The following KDM5C variants were observed in gnomAD, a reference collection of about 807,000 sequenced individuals.
KDM5C encodes lysine-specific demethylase 5C.
KDM5C carries 16 observed loss-of-function variants against 110.6 expected under a neutral mutation model. The ratio of observed to expected loss-of-function variants is 0.14; its 90% CI spans 0.10 to 0.22. The LOEUF (loss-of-function observed/expected upper bound fraction) is 0.22, where lower values mean the gene tolerates loss of function less well. Among genes scored for constraint, KDM5C ranks in the 10% least tolerant of loss-of-function variants. KDM5C has a pLI of 1.00. For synonymous variants in KDM5C, 511 were observed against 520.4 expected (o/e 0.98, Z 0.24); for missense variants, 681 against 1,300.9 (o/e 0.52, Z 7.33).
In KDM5C at chrX:53,211,739, A is replaced by G. The variant is rs6654692; in HGVS notation, c.1242+48T>C. 7.8e-4 allele frequency: 947 copies of G among 1,208,512 alleles called. 7 individuals carry two copies. In the African/African-American group the frequency reaches 0.015, roughly 19 times the overall value. On this transcript the variant is annotated intron_variant, in intron 9 of 25. Transcript: ENST00000375401. ...AGGTGAGCTGAGACCATCTGGCATC[A>G]ATACCTATGATCCTAGCCCAACACT...
chrX:53,217,384 C>G (rs2073775266), intron 4 of KDM5C, 107 bp from the exon 5 acceptor site: 1 of 937,973 alleles, frequency 1.1e-6, no homozygotes, highest in South Asian at 2.1e-5. Flanking sequence ...GTCCACTCAC[C>G]TGACCCACAC....
downstream of KDM5C, among the ~76,000 whole-genome samples, chrX:53,190,677 TCTC>T (rs1333236541): frequency 9.0e-6 from 1 of 111,441 alleles, no homozygotes; most frequent in Non-Finnish European, 1.9e-5. Flanking sequence ...CTCCTCTCTC[TCTC>T]CTTACTTGTA....
chrX:53,208,803 CTCTTTTTTTTTTTTT>C (rs2073458294), intron 12 of KDM5C, among the ~76,000 whole-genome samples: 1 of 47,054 alleles, frequency 2.1e-5, no homozygotes, highest in Non-Finnish European at 4.0e-5. Context: ...CCACACCCGG[CTCTTTTTTTTTTTTT>C]TTTTTTTTTT....
chrX:53,220,101 T>A (rs2073855121), intron 2 of KDM5C, among the ~76,000 whole-genome samples: 1 of 111,761 alleles, frequency 8.9e-6, no homozygotes, highest in Admixed American at 9.5e-5. Context: ...CCCTTGGACA[T>A]CTATTAAGAT....
At chrX:53,201,289 T>A (rs1312834898) in intron 14 of KDM5C, 8 of 393,305 alleles carry the variant, frequency 2.0e-5, no homozygotes, top group Non-Finnish European at 3.6e-5. Context: ...TAAGCAAACA[T>A]TATCTTTAAT....
At chrX:53,196,657 C>CAGGGA in intron 19 of KDM5C, 29 bp downstream of exon 19, 1 of 1,151,922 alleles carries the variant, frequency 8.7e-7, no homozygotes, top group Non-Finnish European at 1.2e-6. Flanking sequence ...TGGAATAGGG[C>CAGGGA]AGGGAAGGGA....
intron 12 of KDM5C, among the ~76,000 whole-genome samples, chrX:53,207,640 G>A (rs2146897219): frequency 8.9e-6 from 1 of 112,124 alleles, no homozygotes; most frequent in East Asian, 2.8e-4. Flanking sequence ...CTGGAAAGAG[G>A]ACATGTTTAT....
chrX:53,190,362 G>A (rs1277067845), downstream of KDM5C, among the ~76,000 whole-genome samples: 1 of 112,609 alleles, frequency 8.9e-6, no homozygotes, highest in African/African-American at 3.2e-5. Flanking sequence ...GAAAACTGGT[G>A]AAGGATGGGC....
At position 53,196,069 on chromosome X, in the gene KDM5C, A is replaced by G. The variant is rs1556836566; in HGVS notation, c.2982-15T>C. ...GATGCTTCTGCCTAAAGGTAAGGAAAAAAAGAACGCTCAGTCTGATGTGGT... is the reference window on the plus strand; with the variant it reads ...GATGCTTCTGCCTAAAGGTAAGGAAGAAAAGAACGCTCAGTCTGATGTGGT... On this transcript the variant is annotated splice_polypyrimidine_tract_variant and intron_variant, in intron 19 of 25. Coordinates refer to ENST00000375401, the MANE Select transcript of KDM5C (RefSeq NM_004187.5). 1 of 1,211,107 alleles carries G rather than the reference A, an allele frequency of 8.3e-7. No individual in the cohort carries two copies. Among genetic ancestry groups the G allele is most frequent in the Non-Finnish European group, 1.1e-6 (1 of 894,808 alleles).
At chrX:53,190,293 G>A (rs1556829608), downstream of KDM5C, among the ~76,000 whole-genome samples, 1 of 112,786 alleles carries the variant, frequency 8.9e-6, no homozygotes, top group Admixed American at 9.3e-5. Context: ...ATGCATGTCT[G>A]CTGTGAAGGA....
chrX:53,211,183 C>T (rs782525422), intron 10 of KDM5C, among the ~76,000 whole-genome samples: 2 of 111,880 alleles, frequency 1.8e-5, no homozygotes, highest in Admixed American at 9.5e-5. Flanking sequence ...TGCATACAAA[C>T]CCCACTCCCT....
At position 53,224,854 on chromosome X, in the gene KDM5C, C is replaced by T. The variant is rs2146978721; in HGVS notation, c.36G>A (p.Pro12=). Residue 12 remains proline (P), a synonymous_variant, in exon 1 of 26, where the codon CCG becomes CCA. Coordinates refer to ENST00000375401, the MANE Select transcript of KDM5C (RefSeq NM_004187.5). ...AGCTAGGCTCGAACACCGGGCACTC[C>T]GGTGGCGGTAGGAAATCGTCGGACC... The part of the protein sequence containing the change: ...EPGSDDFLPP[P]ECPVFEPSWA... 1 of 1,209,855 alleles carries T rather than the reference C, an allele frequency of 8.3e-7. No homozygotes were observed. The highest frequency in any genetic ancestry group is 1.1e-6 in the Non-Finnish European group (1 of 894,128).
intron 19 of KDM5C, 44 bp from the exon 20 acceptor site, chrX:53,196,098 C>A (rs1311513519): frequency 2.5e-6 from 3 of 1,197,563 alleles, no homozygotes; most frequent in Non-Finnish European, 3.4e-6. Context: ...ATGTGGTCTG[C>A]CTGACCAGAA....
At chrX:53,189,066 G>A (rs1466061280), downstream of KDM5C, among the ~76,000 whole-genome samples, 5 of 112,491 alleles carry the variant, frequency 4.4e-5, no homozygotes, top group Non-Finnish European at 9.4e-5. Flanking sequence ...CAGGGACTGT[G>A]AGATAAAATG....
intron 2 of KDM5C, among the ~76,000 whole-genome samples, chrX:53,219,220 G>A (rs963658848): frequency 8.9e-6 from 1 of 112,447 alleles, no homozygotes; most frequent in Non-Finnish European, 1.9e-5. Context: ...ACTTACCCCA[G>A]AGGGGTAGAC....
intron 12 of KDM5C, among the ~76,000 whole-genome samples, chrX:53,203,553 T>C (rs910128118): frequency 8.9e-6 from 1 of 111,996 alleles, no homozygotes; most frequent in Non-Finnish European, 1.9e-5. Context: ...TCCTCAACTA[T>C]TCATCTTTCA....
rs1934819260 is a variant in KDM5C, at chrX:53,196,012, T to C, written c.3024A>G (p.Glu1008=). ...GCAGGTGAACAGGGATGTTTTCCGCTTCACGGATTATGGCCTCAAGTGTGG... is the reference window on the plus strand; with the variant it reads ...GCAGGTGAACAGGGATGTTTTCCGCCTCACGGATTATGGCCTCAAGTGTGG... The part of the protein sequence containing the change: ...PPATLEAIIR[E]AENIPVHLPN... The change falls in exon 20 of 26, where the codon GAA becomes GAG. Residue 1008 remains glutamate, a synonymous_variant. Transcript: ENST00000375401. 8.3e-7 allele frequency: 1 copy of C among 1,212,092 alleles called. No homozygotes were observed. The highest frequency in any genetic ancestry group is 1.1e-6 in the Non-Finnish European group (1 of 895,439).
intron 10 of KDM5C, 70 bp downstream of exon 10, chrX:53,211,427 A>C: frequency 9.5e-7 from 1 of 1,054,041 alleles, no homozygotes; most frequent in Non-Finnish European, 1.3e-6. Context: ...AGAGATACTG[A>C]GTTTTTCAGA....
chrX:53,189,193 T>C (rs781788195), downstream of KDM5C, among the ~76,000 whole-genome samples: 3 of 112,702 alleles, frequency 2.7e-5, no homozygotes, highest in South Asian at 1.1e-3. Flanking sequence ...CCAAGGCCAC[T>C]GTGGCCCTAG....
Sources: allele counts gnomAD v4.1 joint callset (sites outside exome capture counted in the v4.1 genomes callset), GRCh38; gene constraint gnomAD v4.1.1; transcripts MANE v1.5; gene names NCBI Gene and HGNC (gene_info 2026-07-23, HGNC 2026-07-21).